The following SPTLC2 variants were observed in gnomAD, a reference collection of about 807,000 sequenced individuals.
SPTLC2 encodes the protein serine palmitoyltransferase long chain base subunit 2.
In SPTLC2, 21 loss-of-function variants were observed where a neutral mutation model predicts 62.0. The ratio of observed to expected loss-of-function variants is 0.34; its 90% CI spans 0.24 to 0.49. SPTLC2 has a LOEUF of 0.49. Ranked by LOEUF, SPTLC2 falls within the 20% of genes least tolerant of loss-of-function variation. The probability of loss-of-function intolerance (pLI) is 0.99; values close to 1 mark genes in which losing one functional copy is unlikely to be tolerated. For synonymous variants in SPTLC2, 261 were observed against 261.8 expected, an observed-to-expected ratio of 1.00 and a Z score of 0.03; for missense variants, 511 against 713.0, an observed-to-expected ratio of 0.72 and a Z score of 3.23.
At chr14:77,569,380 C>T (rs2079664761) in intron 5 of SPTLC2, among the ~76,000 whole-genome samples, 1 of 152,122 alleles carries the variant, frequency 6.6e-6, no homozygotes, top group South Asian at 2.1e-4. Flanking sequence ...TTTAAATCTC[C>T]TATCTTGCTG....
At chr14:77,555,628 T>G in intron 7 of SPTLC2, 109 bp from the exon 8 acceptor site, 1 of 1,113,892 alleles carries the variant, frequency 9.0e-7, no homozygotes, top group Non-Finnish European at 1.3e-6. Flanking sequence ...TTCTTTTTTT[T>G]TTCTTGGGAC....
intron 2 of SPTLC2, among the ~76,000 whole-genome samples, chr14:77,587,193 ACTC>A (rs1465169669): frequency 2.0e-5 from 3 of 151,704 alleles, no homozygotes; most frequent in African/African-American, 7.3e-5. Flanking sequence ...ACGCCACTGC[ACTC>A]CTCCAGCCTG....
chr14:77,606,663 C>A (rs1348498347), intron 1 of SPTLC2, among the ~76,000 whole-genome samples: 1 of 151,726 alleles, frequency 6.6e-6, no homozygotes, highest in African/African-American at 2.4e-5. Context: ...ACTCATTCTA[C>A]AAATACTTAA....
chr14:77,605,982 T>C (rs2079902797), intron 1 of SPTLC2, among the ~76,000 whole-genome samples: 1 of 152,192 alleles, frequency 6.6e-6, no homozygotes, highest in African/African-American at 2.4e-5. Flanking sequence ...GACTGCAAAA[T>C]GCAAACATTA....
intron 1 of SPTLC2, among the ~76,000 whole-genome samples, chr14:77,597,774 A>T (rs2079855629): frequency 7.4e-6 from 1 of 134,880 alleles, no homozygotes; most frequent in Non-Finnish European, 1.7e-5. Flanking sequence ...ACTCCGTGTC[A>T]AAAAAAAAAA....
intron 9 of SPTLC2, among the ~76,000 whole-genome samples, chr14:77,550,407 TCTA>T (rs985587674): frequency 6.6e-5 from 10 of 152,178 alleles, no homozygotes; most frequent in African/African-American, 2.2e-4. Context: ...AAACCCGGTC[TCTA>T]CTAAACATAC....
chr14:77,561,922 C>T (rs138615628), intron 6 of SPTLC2, among the ~76,000 whole-genome samples: 3 of 152,292 alleles, frequency 2.0e-5, no homozygotes, highest in Non-Finnish European at 4.4e-5. Flanking sequence ...TAATAATACA[C>T]AAAGATATTT....
intron 9 of SPTLC2, among the ~76,000 whole-genome samples, chr14:77,527,884 A>G (rs1183330855): frequency 6.6e-6 from 1 of 151,700 alleles, no homozygotes; most frequent in Non-Finnish European, 1.5e-5. Flanking sequence ...TTCAGTAGTA[A>G]TATGATTTCC....
At chr14:77,538,967 G>A (rs1454333304) in intron 9 of SPTLC2, among the ~76,000 whole-genome samples, 1 of 151,758 alleles carries the variant, frequency 6.6e-6, no homozygotes, top group East Asian at 1.9e-4. Context: ...CTTAACCTCT[G>A]AGTTTGGTTT....
At chr14:77,567,482 C>G (rs1418901250) in intron 5 of SPTLC2, among the ~76,000 whole-genome samples, 1 of 152,214 alleles carries the variant, frequency 6.6e-6, no homozygotes, top group Non-Finnish European at 1.5e-5. Context: ...ACATTTATGT[C>G]TTACAAGGAA....
chr14:77,577,235 C>A (rs1472556473), intron 3 of SPTLC2, among the ~76,000 whole-genome samples: 1 of 145,446 alleles, frequency 6.9e-6, no homozygotes, highest in Non-Finnish European at 1.6e-5. Flanking sequence ...GATATACATA[C>A]TCAGTAACTC....
chr14:77,597,880 T>C (rs1309673799), intron 1 of SPTLC2, among the ~76,000 whole-genome samples: 1 of 151,468 alleles, frequency 6.6e-6, no homozygotes, highest in Non-Finnish European at 1.5e-5. Flanking sequence ...TCCCAGCACT[T>C]TGGGAGGCCG....
At chr14:77,517,407 A>G (rs2139992610) in intron 11 of SPTLC2, among the ~76,000 whole-genome samples, 1 of 152,370 alleles carries the variant, frequency 6.6e-6, no homozygotes, top group African/African-American at 2.4e-5. Flanking sequence ...TTAAGAGAAT[A>G]TATAGAGATG....
At chr14:77,530,081 C>T (rs1367059500) in intron 9 of SPTLC2, among the ~76,000 whole-genome samples, 1 of 152,050 alleles carries the variant, frequency 6.6e-6, no homozygotes. Context: ...CAGCTAACTC[C>T]ACATGTTAGA....
chr14:77,578,166 A>T (rs1251905161), intron 3 of SPTLC2, among the ~76,000 whole-genome samples: 1 of 152,056 alleles, frequency 6.6e-6, no homozygotes, highest in East Asian at 1.9e-4. Context: ...TAAGTAAACA[A>T]ACAAACAAAT....
intron 1 of SPTLC2, among the ~76,000 whole-genome samples, chr14:77,615,820 C>A (rs1026142930): frequency 3.9e-5 from 6 of 152,158 alleles, no homozygotes; most frequent in African/African-American, 1.4e-4. Flanking sequence ...CTAATCCAAC[C>A]TGGAGCCTGG....
intron 1 of SPTLC2, among the ~76,000 whole-genome samples, chr14:77,606,095 G>A (rs2079903343): frequency 6.6e-6 from 1 of 152,218 alleles, no homozygotes; most frequent in Non-Finnish European, 1.5e-5. Flanking sequence ...ATTTTGGGAG[G>A]CCGAGGCAGG....
chr14:77,592,371 G>A (rs2079822856), intron 2 of SPTLC2, among the ~76,000 whole-genome samples: 1 of 152,022 alleles, frequency 6.6e-6, no homozygotes, highest in Admixed American at 6.6e-5. Flanking sequence ...CTGACCTCAG[G>A]TGATCCACCC....
chr14:77,608,361 C>G (rs1566794458), intron 1 of SPTLC2, among the ~76,000 whole-genome samples: 1 of 152,072 alleles, frequency 6.6e-6, no homozygotes, highest in Non-Finnish European at 1.5e-5. Context: ...TTTTGTCAAC[C>G]AGCAGAGTAT....
Sources: allele counts gnomAD v4.1 joint callset (sites outside exome capture counted in the v4.1 genomes callset), GRCh38; gene constraint gnomAD v4.1.1; transcripts MANE v1.5; gene names NCBI Gene and HGNC (gene_info 2026-07-23, HGNC 2026-07-21).